CGGBP1: variants seen among roughly 807,000 people sequenced by gnomAD.
The protein encoded by CGGBP1 is CGG triplet repeat-binding protein 1.
Under a neutral mutation model 11.4 loss-of-function variants are expected in CGGBP1, and 4 were observed. That is an observed-to-expected ratio of 0.35 (90% CI 0.17 to 0.80). The LOEUF (loss-of-function observed/expected upper bound fraction) is 0.80, where lower values mean the gene tolerates loss of function less well. Among genes scored for constraint, CGGBP1 ranks in the 30% least tolerant of loss-of-function variants. The probability of loss-of-function intolerance (pLI) is 0.52; values close to 1 mark genes in which losing one functional copy is unlikely to be tolerated. For missense variants in CGGBP1, 135 were observed against 202.1 expected (o/e 0.67, Z 2.01); for synonymous variants, 76 against 74.1 (o/e 1.03, Z -0.13).
At chr3:88,127,466 A>T (rs1253145310) in intron 2 of CGGBP1, among the ~76,000 whole-genome samples, 1 of 150,238 alleles carries the variant, frequency 6.7e-6, no homozygotes, top group Non-Finnish European at 1.5e-5. Flanking sequence ...ACTAAAAGGG[A>T]GAGAGTTGTT....
chr3:88,140,190 A>T, intron 2 of CGGBP1: 1 of 1,613,836 alleles, frequency 6.2e-7, no homozygotes, highest in Non-Finnish European at 8.5e-7. Flanking sequence ...AAGTCACAGG[A>T]TATTTCAGGC....
chr3:88,059,594 T>G, upstream of CGGBP1: 6 of 1,368,928 alleles, frequency 4.4e-6, no homozygotes, highest in Non-Finnish European at 4.7e-6. Context: ...ATCTGGTCTA[T>G]GTCCAGTGCC....
At chr3:88,111,981 C>G (rs1311351286) in intron 2 of CGGBP1, among the ~76,000 whole-genome samples, 2 of 151,904 alleles carry the variant, frequency 1.3e-5, no homozygotes, top group Non-Finnish European at 2.9e-5. Flanking sequence ...TTGCAGTTTT[C>G]TACTAGGTTA....
At chr3:88,134,221 C>G (rs1288984950) in intron 2 of CGGBP1, among the ~76,000 whole-genome samples, 1 of 151,866 alleles carries the variant, frequency 6.6e-6, no homozygotes, top group Non-Finnish European at 1.5e-5. Context: ...CTGTTTTTGT[C>G]TGAGTACACT....
intron 1 of CGGBP1, among the ~76,000 whole-genome samples, chr3:88,141,235 T>C (rs1414519876): frequency 1.3e-5 from 2 of 152,268 alleles, no homozygotes; most frequent in Admixed American, 6.5e-5. Flanking sequence ...TCCTGTTTTA[T>C]AGATCAAGCA....
intron 2 of CGGBP1, chr3:88,140,337 A>G: frequency 6.2e-7 from 1 of 1,613,662 alleles, no homozygotes; most frequent in Non-Finnish European, 8.5e-7. Context: ...GGATGTTCAG[A>G]CAGACTCAAA....
intron 2 of CGGBP1, among the ~76,000 whole-genome samples, chr3:88,064,186 C>T (rs1707063266): frequency 6.7e-6 from 1 of 149,388 alleles, no homozygotes. Flanking sequence ...ACTTCTTATT[C>T]TCCAGAGGCT....
rs1170100015 is a variant in CGGBP1 at position 88,144,078 on chromosome 3, T to A, written c.-337-3000A>T. 3.3e-5 allele frequency: 5 copies of A among 152,296 alleles called. No homozygotes were observed. The East Asian group carries it at 9.6e-4, about 29-fold the overall frequency. The allele number at this position is 152,296 out of a possible 1,614,324, so 9.4% of individuals were successfully genotyped here. ...CTTTGTTTTTAAATAAAAATTTCCT[T>A]CAAAAAATTAAATGTTAAATTTCTG... On this transcript the variant is annotated intron_variant, in intron 1 of 3. Coordinates refer to the CGGBP1 transcript ENST00000462901.
At chr3:88,102,667 G>A (rs548092738) in intron 2 of CGGBP1, among the ~76,000 whole-genome samples, 2 of 152,182 alleles carry the variant, frequency 1.3e-5, no homozygotes, top group East Asian at 3.9e-4. Flanking sequence ...GAAGCCAGTG[G>A]TGCACAGAAG....
intron 2 of CGGBP1, chr3:88,128,783 TAG>T (rs1389998700): frequency 2.1e-6 from 3 of 1,458,780 alleles, no homozygotes; most frequent in African/African-American, 1.4e-5. Flanking sequence ...TTGAGAGTAA[TAG>T]AGTCTGTTTT....
chr3:88,081,206 A>G (rs1293185242), intron 2 of CGGBP1, among the ~76,000 whole-genome samples: 1 of 152,156 alleles, frequency 6.6e-6, no homozygotes, highest in Non-Finnish European at 1.5e-5. Flanking sequence ...GTCTTTCTCA[A>G]TGTATTGTTA....
chr3:88,119,068 A>G (rs1206775856), intron 2 of CGGBP1, among the ~76,000 whole-genome samples: 2 of 149,848 alleles, frequency 1.3e-5, no homozygotes, highest in Non-Finnish European at 1.5e-5. Flanking sequence ...TCATGCTGCT[A>G]TAAAGACACA....
chr3:88,061,791 G>C (rs1219044122), upstream of CGGBP1, among the ~76,000 whole-genome samples: 1 of 152,140 alleles, frequency 6.6e-6, no homozygotes, highest in Non-Finnish European at 1.5e-5. Context: ...CTAATATTAA[G>C]TATAATAATT....
At chr3:88,096,887 A>T (rs559924073) in intron 2 of CGGBP1, among the ~76,000 whole-genome samples, 1 of 152,134 alleles carries the variant, frequency 6.6e-6, no homozygotes, top group Non-Finnish European at 1.5e-5. Flanking sequence ...TATAATGCAT[A>T]TATAAGAAAA....
intron 2 of CGGBP1, among the ~76,000 whole-genome samples, chr3:88,076,900 G>T (rs1279544059): frequency 2.6e-5 from 4 of 152,156 alleles, no homozygotes; most frequent in Admixed American, 6.5e-5. Context: ...ACTCTGACCT[G>T]CCTCAAAGGT....
Position 88,054,031 on chromosome 3 carries a change from G to A in CGGBP1, c.*1442C>T, listed in dbSNP as rs1202375879. 5 of 152,538 alleles carry A rather than the reference G, an allele frequency of 3.3e-5. No individual in the cohort carries two copies. Among genetic ancestry groups the A allele is most frequent in the Non-Finnish European group, 5.9e-5 (4 of 67,978 alleles). The allele number at this position is 152,538 out of a possible 1,614,324, so 9.4% of individuals were successfully genotyped here. A position where few individuals can be genotyped will look rare whatever the true frequency, so the allele number is the denominator to read the frequency against. Reference sequence around the variant, plus strand: ...GTAAAAAAATCTTAAGACATGGAAAGCTGTTACTGAAAAATACACAATCTA... The same window carrying A: ...GTAAAAAAATCTTAAGACATGGAAAACTGTTACTGAAAAATACACAATCTA... On this transcript the variant is annotated 3_prime_UTR_variant, in exon 4 of 4. Coordinates refer to ENST00000482016, the MANE Select transcript of CGGBP1 (RefSeq NM_001008390.2).
chr3:88,140,668 ACAGAAT>A (rs1213560038), intron 2 of CGGBP1: 1 of 1,613,712 alleles, frequency 6.2e-7, no homozygotes, highest in Non-Finnish European at 8.5e-7. Flanking sequence ...ATTGATACAA[ACAGAAT>A]CAGGACAGAA....
rs78974035 is a variant in CGGBP1, at chr3:88,135,280, T to A, written c.-229+5690A>T. The stretch of plus-strand genomic sequence containing the variant: ...AAACTTGAATCTCTTTTGATAAAAT[T>A]TATTTGATTTTAAAACTGAAGGAAA... On this transcript the variant is annotated intron_variant, in intron 2 of 3. Transcript: ENST00000462901. 4 of 1,185,496 alleles carry A rather than the reference T, an allele frequency of 3.4e-6. No individual in the cohort carries two copies. The African/African-American group carries it at 6.4e-5, about 19-fold the overall frequency. 73.4% of individuals were successfully genotyped at this position (1,185,496 alleles called of 1,614,324 possible). A position where few individuals can be genotyped will look rare whatever the true frequency, so the allele number is the denominator to read the frequency against.
chr3:88,122,522 T>G (rs992210277), intron 2 of CGGBP1, among the ~76,000 whole-genome samples: 4 of 152,144 alleles, frequency 2.6e-5, no homozygotes, highest in African/African-American at 7.2e-5. Flanking sequence ...TTAAGAAATG[T>G]ATTCTGAAAG....
Sources: allele counts gnomAD v4.1 joint callset (sites outside exome capture counted in the v4.1 genomes callset), GRCh38; gene constraint gnomAD v4.1.1; transcripts MANE v1.5; gene names NCBI Gene and HGNC (gene_info 2026-07-23, HGNC 2026-07-21).